Variants in ALG9 observed in about 807,000 individuals in gnomAD.
ALG9 encodes the protein alpha-1,2-mannosyltransferase ALG9.
ALG9 carries 55 observed loss-of-function variants against 81.8 expected under a neutral mutation model. The ratio of observed to expected loss-of-function variants is 0.67; its 90% CI spans 0.54 to 0.84. The LOEUF (loss-of-function observed/expected upper bound fraction) is 0.84, where lower values mean the gene tolerates loss of function less well. Ranked by LOEUF, ALG9 falls within the 40% of genes least tolerant of loss-of-function variation. The probability of loss-of-function intolerance (pLI) is 0.00; values close to 1 mark genes in which losing one functional copy is unlikely to be tolerated. For synonymous variants in ALG9, 278 were observed against 274.3 expected (o/e 1.01, Z -0.13); for missense variants, 629 against 745.0 (o/e 0.84, Z 1.81).
At chr11:111,789,384 T>A (rs1947018831) in intron 14 of ALG9, among the ~76,000 whole-genome samples, 1 of 151,764 alleles carries the variant, frequency 6.6e-6, no homozygotes, top group Non-Finnish European at 1.5e-5. Flanking sequence ...CCTGAGTAGC[T>A]GGGCTACAGG....
At position 111,857,755 on chromosome 11, in the gene ALG9, T is replaced by C; in HGVS notation, c.566-18A>G. On this transcript the variant is annotated intron_variant, in intron 5 of 14. Coordinates refer to ENST00000616540, the MANE Select transcript of ALG9 (RefSeq NM_024740.2). ...AAGGAATGCTGCAAGAGTAAAGAAG[T>C]GAAAAAAGGCAGGAGGACAAGAGCT... 1 of 1,613,534 alleles carries C rather than the reference T, an allele frequency of 6.2e-7. No homozygotes were observed. The highest frequency in any genetic ancestry group is 8.5e-7 in the Non-Finnish European group (1 of 1,179,840).
At chr11:111,806,613 C>T (rs1555085544) in intron 14 of ALG9, among the ~76,000 whole-genome samples, 1 of 152,182 alleles carries the variant, frequency 6.6e-6, no homozygotes, top group African/African-American at 2.4e-5. Flanking sequence ...CTGGCCTCAT[C>T]TCGTCCCTAA....
chr11:111,791,372 G>A (rs1591800770), intron 14 of ALG9, among the ~76,000 whole-genome samples: 1 of 152,192 alleles, frequency 6.6e-6, no homozygotes, highest in Non-Finnish European at 1.5e-5. Context: ...GGCTGGGTAG[G>A]TAAGTGTATA....
Position 111,838,302 on chromosome 11 carries a change from G to T in ALG9, c.1271C>A (p.Thr424Asn). The T allele has an allele frequency of 6.2e-7, 1 of 1,614,154 alleles. No individual in the cohort carries two copies. The highest frequency in any genetic ancestry group is 8.5e-7 in the Non-Finnish European group (1 of 1,179,990). Reference sequence around the variant, plus strand: ...TGACAAGAGCCCAAACAGGAAGACAGTTCCTAATGCCAGCCAATTCGATGT... The same window carrying T: ...TGACAAGAGCCCAAACAGGAAGACATTTCCTAATGCCAGCCAATTCGATGT... ...TVTSNWLALG[T>N]VFLFGLLSFS... Residue 424 changes from threonine (T) to asparagine (N), a missense_variant, in exon 11 of 15, where the codon ACT (threonine) becomes AAT (asparagine). Thr to Asn is a moderately conservative substitution (Grantham distance 65). This residue lies in a region of ALG9 where 264 missense variants were observed against 302.2 expected (regional missense o/e 0.87). Coordinates refer to ENST00000616540, the MANE Select transcript of ALG9 (RefSeq NM_024740.2).
chr11:111,797,500 C>T (rs571452276), intron 14 of ALG9, among the ~76,000 whole-genome samples: 1 of 152,330 alleles, frequency 6.6e-6, no homozygotes, highest in African/African-American at 2.4e-5. Flanking sequence ...CAGTTGAGCC[C>T]ATCAACTCCC....
chr11:111,786,715 G>A (rs1256922075), intron 14 of ALG9, among the ~76,000 whole-genome samples, 195 bp from the exon 15 acceptor site: 4 of 151,872 alleles, frequency 2.6e-5, no homozygotes, highest in Non-Finnish European at 5.9e-5. Flanking sequence ...TCACCTAAAC[G>A]AAAATTTATT....
intron 13 of ALG9, among the ~76,000 whole-genome samples, chr11:111,830,527 TA>T: frequency 6.6e-6 from 1 of 152,310 alleles, no homozygotes; most frequent in African/African-American, 2.4e-5. Flanking sequence ...TAATGAATAC[TA>T]AAAAAATTAA....
Position 111,786,302 on chromosome 11 carries a change from T to G in ALG9, c.*95A>C. 1.3e-6 allele frequency: 2 copies of G among 1,577,990 alleles called. No homozygotes were observed. Among genetic ancestry groups the G allele is most frequent in the South Asian group, 2.2e-5 (2 of 89,662 alleles). On this transcript the variant is annotated 3_prime_UTR_variant, in exon 15 of 15. Transcript: ENST00000616540. ...TCCAGTATTCATGTCAGAAGACCTT[T>G]ATTACAAATGTTACAGGCGATGACT...
intron 13 of ALG9, among the ~76,000 whole-genome samples, chr11:111,818,962 G>A (rs1951920379): frequency 6.6e-6 from 1 of 152,214 alleles, no homozygotes; most frequent in African/African-American, 2.4e-5. Flanking sequence ...GCAGAAGAAA[G>A]AAGTGGAAGC....
intron 13 of ALG9, among the ~76,000 whole-genome samples, chr11:111,827,589 A>T (rs529602077): frequency 1.3e-5 from 2 of 151,874 alleles, no homozygotes; most frequent in South Asian, 4.2e-4. Context: ...AAAGATGCCC[A>T]GGCACAGTGG....
chr11:111,839,311 T>C (rs663511), intron 10 of ALG9, among the ~76,000 whole-genome samples: 108,530 of 151,938 alleles, frequency 0.71, 39,547 homozygotes, highest in African/African-American at 0.87. Context: ...AGTGGCTGGG[T>C]GCGGTGGCTC....
intron 1 of ALG9, chr11:111,870,969 GA>G (rs1236158766): frequency 2.0e-6 from 2 of 1,018,218 alleles, no homozygotes; most frequent in African/African-American, 1.7e-5. Context: ...GGGAAGAGGT[GA>G]TGGCGGGTTG....
chr11:111,789,948 T>C (rs1485732801), intron 14 of ALG9, among the ~76,000 whole-genome samples: 1 of 151,786 alleles, frequency 6.6e-6, no homozygotes, highest in Non-Finnish European at 1.5e-5. Flanking sequence ...TTTCAGAAAA[T>C]GATCTTATTC....
chr11:111,776,867 G>C, the ALG9 span, among the ~76,000 whole-genome samples: 1 of 152,172 alleles, frequency 6.6e-6, no homozygotes, highest in Admixed American at 6.6e-5. Flanking sequence ...GCCTAGGCAT[G>C]GGGAGTAAAG....
chr11:111,870,731 G>A (rs1566319437), intron 1 of ALG9: 1 of 1,022,866 alleles, frequency 9.8e-7, no homozygotes, highest in East Asian at 1.0e-4. Flanking sequence ...TTAGCTCAAT[G>A]CATTTATGTC....
At chr11:111,806,176 T>A (rs1481890613) in intron 14 of ALG9, among the ~76,000 whole-genome samples, 13 of 152,068 alleles carry the variant, frequency 8.5e-5, no homozygotes, top group Admixed American at 8.5e-4. Context: ...AAAATTTTTT[T>A]AAAAAAGATA....
intron 13 of ALG9, 80 bp from the exon 14 acceptor site, chr11:111,809,853 A>G (rs1950455176): frequency 6.6e-7 from 1 of 1,511,364 alleles, no homozygotes; most frequent in South Asian, 1.1e-5. Context: ...GCAATCCTAA[A>G]AATTTACAGA....
chr11:111,802,252 G>A (rs1450365211), intron 14 of ALG9, among the ~76,000 whole-genome samples: 2 of 152,224 alleles, frequency 1.3e-5, no homozygotes, highest in Non-Finnish European at 2.9e-5. Flanking sequence ...AAGATGTGTG[G>A]AGAAGGTTCA....
In ALG9 at chr11:111,809,620, C is replaced by A. The variant is rs200810185; in HGVS notation, c.1733+23G>T. The A allele has an allele frequency of 1.9e-6, 3 of 1,613,612 alleles. No homozygotes were observed. In the East Asian group the frequency reaches 6.7e-5, roughly 36 times the overall value. ...TTTACCCATACTAGTCCTGGAATAT[C>A]CCATAGGATTAAAGCCACATACCTA... On this transcript the variant is annotated intron_variant, in intron 14 of 14. Transcript: ENST00000616540.
Sources: allele counts gnomAD v4.1 joint callset (sites outside exome capture counted in the v4.1 genomes callset), GRCh38; gene constraint gnomAD v4.1.1; regional missense constraint gnomAD v4.1.1; transcripts MANE v1.5; gene names NCBI Gene and HGNC (gene_info 2026-07-23, HGNC 2026-07-21).